HYCC1: variants seen among roughly 807,000 people sequenced by gnomAD.
HYCC1 encodes the protein hyccin PI4KA lipid kinase complex subunit 1.
chr7:22,986,392 G>A, the HYCC1 span, among the ~76,000 whole-genome samples: 2 of 152,202 alleles, frequency 1.3e-5, no homozygotes, highest in African/African-American at 4.8e-5. Flanking sequence ...GGAGCCAAAT[G>A]AATTTAAATA....
At chr7:22,904,223 A>G in the HYCC1 span, among the ~76,000 whole-genome samples, 9 of 151,706 alleles carry the variant, frequency 5.9e-5, no homozygotes, top group Non-Finnish European at 1.0e-4. Flanking sequence ...CGAGGTCAGG[A>G]GATCGAGACC....
the HYCC1 span, among the ~76,000 whole-genome samples, chr7:22,925,470 T>C: frequency 6.6e-6 from 1 of 151,928 alleles, no homozygotes; most frequent in African/African-American, 2.4e-5. Flanking sequence ...GAATAACCAA[T>C]GCAGAGAAGT....
At chr7:22,919,444 A>G in the HYCC1 span, among the ~76,000 whole-genome samples, 38,332 of 151,910 alleles carry the variant, frequency 0.25, 5,005 homozygotes, top group East Asian at 0.48. Context: ...CAGAAGAATC[A>G]CTTGAACCCG....
the HYCC1 span, among the ~76,000 whole-genome samples, chr7:22,989,544 GA>G: frequency 6.6e-6 from 1 of 151,214 alleles, no homozygotes; most frequent in African/African-American, 2.4e-5. Context: ...TTTTTGGAGA[GA>G]GGGGGTCTTG....
At chr7:22,908,169 T>C in the HYCC1 span, among the ~76,000 whole-genome samples, 164 of 152,256 alleles carry the variant, frequency 1.1e-3, 1 homozygote, top group African/African-American at 3.6e-3. Flanking sequence ...TGATGAAAAA[T>C]AGGGAAATGC....
chr7:22,961,139 A>G, the HYCC1 span: 1 of 771,306 alleles, frequency 1.3e-6, no homozygotes, highest in Non-Finnish European at 2.3e-6. Context: ...CTGAGTATTA[A>G]TGACATATTA....
chr7:22,984,121 A>T, the HYCC1 span: 1 of 866,902 alleles, frequency 1.2e-6, no homozygotes, highest in East Asian at 2.6e-5. Flanking sequence ...GCAGAAAGTA[A>T]ATTAGTTGTT....
chr7:22,900,900 A>T, the HYCC1 span, among the ~76,000 whole-genome samples: 1 of 152,120 alleles, frequency 6.6e-6, no homozygotes, highest in African/African-American at 2.4e-5. Context: ...CTAAGTAAGA[A>T]GACACAAATA....
the HYCC1 span, chr7:22,960,115 A>T: frequency 1.2e-6 from 1 of 814,388 alleles, no homozygotes. Flanking sequence ...CCTAGATAAT[A>T]AATTAGGAGT....
the HYCC1 span, among the ~76,000 whole-genome samples, chr7:23,006,787 C>T: frequency 6.6e-6 from 1 of 152,266 alleles, no homozygotes; most frequent in Admixed American, 6.5e-5. Context: ...TGAAAAGACT[C>T]TTTGTTCAAG....
chr7:22,913,126 G>GAAAAA, the HYCC1 span, among the ~76,000 whole-genome samples: 2 of 146,430 alleles, frequency 1.4e-5, no homozygotes, highest in East Asian at 2.0e-4. Context: ...CTCCATCTTG[G>GAAAAA]AAAAAAAAAA....
the HYCC1 span, among the ~76,000 whole-genome samples, chr7:22,906,855 G>A: frequency 6.6e-6 from 1 of 151,784 alleles, no homozygotes; most frequent in Non-Finnish European, 1.5e-5. Flanking sequence ...ACAATCTAGG[G>A]CACAATTACA....
chr7:22,940,607 A>G, the HYCC1 span: 1 of 152,026 alleles, frequency 6.6e-6, no homozygotes, highest in African/African-American at 2.4e-5. Flanking sequence ...TGCCACTGAG[A>G]TTTCCTAAAG....
chr7:22,949,623 G>A, the HYCC1 span, among the ~76,000 whole-genome samples: 51 of 152,056 alleles, frequency 3.4e-4, no homozygotes, highest in East Asian at 9.5e-3. Flanking sequence ...AGATGCCAAT[G>A]AAAGCTGTTA....
the HYCC1 span, among the ~76,000 whole-genome samples, chr7:22,974,848 G>T: frequency 1.3e-5 from 2 of 152,150 alleles, no homozygotes; most frequent in Non-Finnish European, 2.9e-5. Flanking sequence ...TTCCCATGCT[G>T]TTCTCACAAT....
At chr7:22,905,842 A>G in the HYCC1 span, among the ~76,000 whole-genome samples, 1 of 152,332 alleles carries the variant, frequency 6.6e-6, no homozygotes, top group South Asian at 2.1e-4. Flanking sequence ...ATCTATTTAC[A>G]GGAGGATACA....
chr7:22,906,557 G>A, the HYCC1 span, among the ~76,000 whole-genome samples: 1 of 146,760 alleles, frequency 6.8e-6, no homozygotes, highest in Non-Finnish European at 1.5e-5. Context: ...CAGCCTGGGT[G>A]ACAGAGTGAG....
chr7:22,960,243 A>G, the HYCC1 span: 1 of 1,611,558 alleles, frequency 6.2e-7, no homozygotes, highest in African/African-American at 1.3e-5. Flanking sequence ...TTGAAGAGTT[A>G]CGTATTTCTT....
At chr7:22,975,312 A>C in the HYCC1 span, among the ~76,000 whole-genome samples, 1 of 152,206 alleles carries the variant, frequency 6.6e-6, no homozygotes, top group South Asian at 2.1e-4. Flanking sequence ...CCACAATTCC[A>C]CCAACTAGAG....
Sources: gnomAD v4.1 joint callset for allele counts (sites outside exome capture counted in the v4.1 genomes callset) on GRCh38, gnomAD v4.1.1 for gene constraint, MANE v1.5 for transcripts, NCBI Gene and HGNC (gene_info 2026-07-23, HGNC 2026-07-21) for gene names.